The following CDH8 variants were observed in gnomAD, a reference collection of about 807,000 sequenced individuals.
The protein encoded by CDH8 is cadherin 8, also known as cadherin-8.
In CDH8, 17 loss-of-function variants were observed where a neutral mutation model predicts 68.1. That is an observed-to-expected ratio of 0.25 (90% CI 0.17 to 0.37). CDH8 has a LOEUF of 0.37. Among genes scored for constraint, CDH8 ranks in the 10% least tolerant of loss-of-function variants. CDH8 has a pLI of 1.00. For missense variants in CDH8, 763 were observed against 999.3 expected (o/e 0.76, Z 3.19); for synonymous variants, 372 against 365.1 (o/e 1.02, Z -0.21).
intron 7 of CDH8, among the ~76,000 whole-genome samples, chr16:61,799,313 A>G (rs1961566511): frequency 6.6e-6 from 1 of 152,170 alleles, no homozygotes; most frequent in Non-Finnish European, 1.5e-5. Context: ...ATGAAGTATA[A>G]AAAAAGCATC....
chr16:61,652,796 A>G lies in CDH8; in HGVS notation c.*812T>C, dbSNP rs1963351175. 7.4e-7 allele frequency: 1 copy of G among 1,359,222 alleles called. No individual in the cohort carries two copies. The highest frequency in any genetic ancestry group is 1.9e-5 in the South Asian group (1 of 53,154). The allele number at this position is 1,359,222 out of a possible 1,614,324, so 84.2% of individuals were successfully genotyped here. A position where few individuals can be genotyped will look rare whatever the true frequency, so the allele number is the denominator to read the frequency against. On this transcript the variant is annotated 3_prime_UTR_variant, in exon 12 of 12. Transcript: ENST00000577390. ...GATTAAACAAATAAATTCACGCGCT[A>G]GCAATAAAACCATCTGTCTCTTATG...
At chr16:61,761,364 T>C (rs956442467) in intron 8 of CDH8, among the ~76,000 whole-genome samples, 1 of 152,186 alleles carries the variant, frequency 6.6e-6, no homozygotes, top group Non-Finnish European at 1.5e-5. Context: ...TAGATACATA[T>C]TCAAAATGCA....
chr16:61,862,135 TCA>T (rs3069990), intron 3 of CDH8, among the ~76,000 whole-genome samples: 26,296 of 145,940 alleles, frequency 0.18, 2,266 homozygotes, highest in African/African-American at 0.22. Context: ...CAAACACCAC[TCA>T]CACACACACA....
At chr16:61,666,175 A>ACT (rs1963672959) in intron 10 of CDH8, among the ~76,000 whole-genome samples, 1 of 121,242 alleles carries the variant, frequency 8.2e-6, no homozygotes, top group African/African-American at 3.5e-5. Context: ...CACAGCACAT[A>ACT]CTCTGTGTGT....
chr16:61,856,739 C>T (rs201594038), intron 4 of CDH8, among the ~76,000 whole-genome samples: 5 of 152,200 alleles, frequency 3.3e-5, no homozygotes, highest in East Asian at 3.9e-4. Flanking sequence ...TGGTACGTTC[C>T]ATACCCATTT....
chr16:61,771,472 C>CAAAA (rs11355312), intron 8 of CDH8, among the ~76,000 whole-genome samples: 12 of 62,160 alleles, frequency 1.9e-4, no homozygotes, highest in Non-Finnish European at 2.5e-4. Context: ...AAAAGCCAGC[C>CAAAA]AAAAAAAAAA....
intron 8 of CDH8, among the ~76,000 whole-genome samples, chr16:61,760,761 T>C (rs191143897): frequency 6.4e-4 from 98 of 152,250 alleles, no homozygotes; most frequent in Admixed American, 2.0e-3. Context: ...GTAAACATAA[T>C]TACATGAGGC....
intron 10 of CDH8, among the ~76,000 whole-genome samples, chr16:61,700,646 T>C (rs1964410220): frequency 6.6e-6 from 1 of 152,122 alleles, no homozygotes; most frequent in Non-Finnish European, 1.5e-5. Context: ...CCATTCCCAA[T>C]AACAATGTAT....
rs1337953717 is a variant in CDH8 at position 61,960,678 on chromosome 16, AGTTT to A, written c.253-59209_253-59206del. On this transcript the variant is annotated intron_variant, in intron 2 of 11. Coordinates refer to ENST00000577390, the MANE Select transcript of CDH8 (RefSeq NM_001796.5). ...CAGAGCTGTTCCCCCTTTTTCATTC[AGTTT>A]GCTTACCTGTTGCCCTCCTTCCTCC... is the stretch of plus-strand genomic sequence containing the variant. Among the ~76,000 whole-genome samples, 8 of 152,044 alleles carry A rather than the reference AGTTT, an allele frequency of 5.3e-5. No homozygotes were observed. The South Asian group carries it at 1.7e-3, about 31-fold the overall frequency.
chr16:62,021,436 T>G lies in CDH8; in HGVS notation c.-33A>C. 1 of 1,573,848 alleles carries G rather than the reference T, an allele frequency of 6.4e-7. No homozygotes were observed. Among genetic ancestry groups the G allele is most frequent in the Non-Finnish European group, 8.6e-7 (1 of 1,159,972 alleles). ...CCAGTTAAGCAAATCACCACGAAAA[T>G]GAGACAATTATTTTTTTTGTCTCCG... On this transcript the variant is annotated 5_prime_UTR_variant, in exon 2 of 12. Transcript: ENST00000577390.
At chr16:61,814,505 A>C (rs1007396101) in intron 7 of CDH8, among the ~76,000 whole-genome samples, 2 of 152,232 alleles carry the variant, frequency 1.3e-5, no homozygotes, top group African/African-American at 4.8e-5. Flanking sequence ...TGCTCTAAAA[A>C]GAAATTGAAC....
intron 2 of CDH8, among the ~76,000 whole-genome samples, chr16:61,907,234 T>C (rs1208942355): frequency 6.6e-6 from 1 of 152,188 alleles, no homozygotes; most frequent in Non-Finnish European, 1.5e-5. Context: ...TGGGCCACTC[T>C]GCCTACCTCT....
intron 8 of CDH8, among the ~76,000 whole-genome samples, chr16:61,749,684 GAGTT>G (rs1238738423): frequency 1.3e-5 from 2 of 151,966 alleles, no homozygotes; most frequent in Non-Finnish European, 2.9e-5. Context: ...AGTGCTGAAA[GAGTT>G]AGCCCTTGTT....
intron 1 of CDH8, among the ~76,000 whole-genome samples, chr16:62,034,123 A>C (rs916134982): frequency 6.6e-6 from 1 of 151,942 alleles, no homozygotes; most frequent in Non-Finnish European, 1.5e-5. Flanking sequence ...ACATCCTTCA[A>C]AGGTACCACT....
intron 10 of CDH8, among the ~76,000 whole-genome samples, chr16:61,668,129 T>A (rs1567411961): frequency 1.3e-5 from 2 of 151,860 alleles, no homozygotes; most frequent in African/African-American, 2.4e-5. Context: ...TCCAACACTA[T>A]ACTCTATAGA....
intron 8 of CDH8, among the ~76,000 whole-genome samples, chr16:61,775,641 G>A (rs946186101): frequency 2.0e-5 from 3 of 151,962 alleles, no homozygotes; most frequent in Non-Finnish European, 2.9e-5. Flanking sequence ...TTGTAACATT[G>A]AGAACATAAT....
intron 10 of CDH8, among the ~76,000 whole-genome samples, chr16:61,681,476 T>C (rs1019276520): frequency 6.6e-6 from 1 of 151,680 alleles, no homozygotes; most frequent in Non-Finnish European, 1.5e-5. Flanking sequence ...AAAAGGCAAA[T>C]TTATAGAGAC....
At chr16:61,673,605 T>C (rs988496968) in intron 10 of CDH8, among the ~76,000 whole-genome samples, 1 of 152,148 alleles carries the variant, frequency 6.6e-6, no homozygotes, top group African/African-American at 2.4e-5. Context: ...GCATAAAACA[T>C]GCATTTCTTA....
chr16:61,676,948 G>A (rs538716795), intron 10 of CDH8, among the ~76,000 whole-genome samples: 12 of 152,118 alleles, frequency 7.9e-5, no homozygotes, highest in Admixed American at 5.9e-4. Flanking sequence ...TAATAGTGAC[G>A]TAAGTGTACA....
Sources: allele counts gnomAD v4.1 joint callset (sites outside exome capture counted in the v4.1 genomes callset), GRCh38; gene constraint gnomAD v4.1.1; transcripts MANE v1.5; gene names NCBI Gene and HGNC (gene_info 2026-07-23, HGNC 2026-07-21).